SLC44A5: variants seen among roughly 807,000 people sequenced by gnomAD.
The protein encoded by SLC44A5 is choline transporter-like protein 5.
SLC44A5 carries 57 observed loss-of-function variants against 101.8 expected under a neutral mutation model. The ratio of observed to expected loss-of-function variants is 0.56; its 90% CI spans 0.45 to 0.70. SLC44A5 has a LOEUF of 0.70. Ranked by LOEUF, SLC44A5 falls within the 30% of genes least tolerant of loss-of-function variation. The pLI is 0.00. For missense variants in SLC44A5, 737 were observed against 853.1 expected (o/e 0.86, Z 1.70); for synonymous variants, 281 against 290.9 (o/e 0.97, Z 0.35).
chr1:75,227,758 T>G lies in SLC44A5; in HGVS notation c.953A>C (p.Tyr318Ser), dbSNP rs888915822. Reference protein sequence around the residue: ...DIGIQTNISMYFELQQTWFTF... With the variant: ...DIGIQTNISMSFELQQTWFTF... ...GAACCATGTTTGTTGCAGTTCAAAG[T>G]ACATGCTTATGTTAGTCTGAATCCC... The change falls in exon 13 of 24, where the codon TAC becomes TCC. Residue 318 changes from tyrosine to serine, a missense_variant. This residue lies in a region of SLC44A5 where 665 missense variants were observed against 764.4 expected (regional missense o/e 0.87). Coordinates refer to ENST00000370859, the MANE Select transcript of SLC44A5 (RefSeq NM_001130058.2). 1 of 1,575,000 alleles carries G rather than the reference T, an allele frequency of 6.3e-7. No individual in the cohort carries two copies. Among genetic ancestry groups the G allele is most frequent in the Non-Finnish European group, 8.6e-7 (1 of 1,169,454 alleles).
At chr1:75,226,455 G>A (rs1203076633) in intron 13 of SLC44A5, among the ~76,000 whole-genome samples, 2 of 152,104 alleles carry the variant, frequency 1.3e-5, no homozygotes, top group Non-Finnish European at 2.9e-5. Context: ...TATGGAAAAT[G>A]TCTGCACTTT....
At position 75,302,435 on chromosome 1, in the gene SLC44A5, C is replaced by T. The variant is rs143064513; in HGVS notation, c.102-1750G>A. 5.6e-3 allele frequency among the ~76,000 whole-genome samples: 846 copies of T among 151,938 alleles called. 9 individuals are homozygous for T. The highest frequency in any genetic ancestry group is 0.018 in the African/African-American group (743 of 41,448). On this transcript the variant is annotated intron_variant, in intron 4 of 23. Transcript: ENST00000370859. ...CACCAGCCAGGGTGGCCTGCCATCC[C>T]GTCCTTATATATCTATAATGTTATA...
intron 5 of SLC44A5, among the ~76,000 whole-genome samples, chr1:75,297,948 AC>A (rs1320538363): frequency 1.3e-5 from 2 of 151,644 alleles, no homozygotes; most frequent in African/African-American, 4.8e-5. Flanking sequence ...TTGTAAAAAA[AC>A]AAAACAAAAC....
chr1:75,613,703 G>A (rs1288328717), upstream of SLC44A5, among the ~76,000 whole-genome samples: 2 of 152,210 alleles, frequency 1.3e-5, no homozygotes, highest in East Asian at 1.9e-4. Context: ...TCGTAAGAAA[G>A]CTTGATTATT....
intron 3 of SLC44A5, among the ~76,000 whole-genome samples, chr1:75,358,559 G>T (rs572197141): frequency 2.8e-4 from 43 of 152,214 alleles, no homozygotes; most frequent in Non-Finnish European, 5.7e-4. Context: ...ATCTCACATA[G>T]TTACCATTTT....
chr1:75,229,523 C>T (rs902079708), intron 12 of SLC44A5, among the ~76,000 whole-genome samples: 3 of 152,076 alleles, frequency 2.0e-5, no homozygotes, highest in African/African-American at 7.2e-5. Context: ...GGAACTTTTC[C>T]TTCATCTTAA....
intron 2 of SLC44A5, among the ~76,000 whole-genome samples, chr1:75,405,957 A>G (rs887373622): frequency 6.6e-6 from 1 of 151,942 alleles, no homozygotes; most frequent in Non-Finnish European, 1.5e-5. Flanking sequence ...AAATAGATAG[A>G]CCGCTAGCAA....
chr1:75,541,861 C>A (rs1459597761), intron 1 of SLC44A5, among the ~76,000 whole-genome samples: 1 of 152,128 alleles, frequency 6.6e-6, no homozygotes, highest in African/African-American at 2.4e-5. Context: ...TCCTCATGCA[C>A]CATTTAGCAT....
At chr1:75,418,031 T>C (rs1366675205) in intron 2 of SLC44A5, among the ~76,000 whole-genome samples, 1 of 152,196 alleles carries the variant, frequency 6.6e-6, no homozygotes, top group Non-Finnish European at 1.5e-5. Context: ...GCCTTTTGCT[T>C]TTACCCCTCA....
intron 2 of SLC44A5, among the ~76,000 whole-genome samples, chr1:75,529,591 C>G (rs1451362240): frequency 6.6e-6 from 1 of 152,144 alleles, no homozygotes; most frequent in Non-Finnish European, 1.5e-5. Flanking sequence ...CAAAGGCAGT[C>G]AGCCTCTTTC....
chr1:75,550,511 T>C (rs889041740), intron 1 of SLC44A5, among the ~76,000 whole-genome samples: 1 of 152,086 alleles, frequency 6.6e-6, no homozygotes, highest in African/African-American at 2.4e-5. Flanking sequence ...AGCCACTTCA[T>C]TGTACACTTC....
intron 1 of SLC44A5, among the ~76,000 whole-genome samples, chr1:75,551,986 C>T (rs890708393): frequency 1.1e-4 from 17 of 152,040 alleles, no homozygotes; most frequent in African/African-American, 4.1e-4. Flanking sequence ...TGAAAAATTT[C>T]TTTTTTAGTG....
In SLC44A5 at chr1:75,373,777, T is replaced by C. The variant is rs2101188154; in HGVS notation, c.52+22806A>G. 2.6e-5 allele frequency among the ~76,000 whole-genome samples: 4 copies of C among 152,092 alleles called. No individual in the cohort carries two copies. In the East Asian group the frequency reaches 7.8e-4, roughly 30 times the overall value. ...CCCCACCTGAGTGTTTTGCCAGCTG[T>C]CTGGGAGGAGTTAAACTCCCCCAGC... is the stretch of plus-strand genomic sequence containing the variant. On this transcript the variant is annotated intron_variant, in intron 3 of 23. Coordinates refer to ENST00000370859, the MANE Select transcript of SLC44A5 (RefSeq NM_001130058.2).
the SLC44A5 span, among the ~76,000 whole-genome samples, chr1:75,694,290 A>T: frequency 8.0e-6 from 1 of 125,416 alleles, no homozygotes; most frequent in Non-Finnish European, 1.8e-5. Flanking sequence ...TGTAGATCCT[A>T]GTAGGTAGAA....
At chr1:75,595,802 C>T (rs1674597818) in intron 1 of SLC44A5, among the ~76,000 whole-genome samples, 1 of 152,054 alleles carries the variant, frequency 6.6e-6, no homozygotes, top group Non-Finnish European at 1.5e-5. Context: ...AAGTTTATGG[C>T]TTAATTTTAT....
At position 75,266,077 on chromosome 1, in the gene SLC44A5, TAG is replaced by T. The variant is rs1218939097; in HGVS notation, c.260+8879_260+8880del. 2.0e-5 allele frequency among the ~76,000 whole-genome samples: 3 copies of T among 152,172 alleles called. No individual in the cohort carries two copies. The East Asian group carries it at 5.8e-4, about 29-fold the overall frequency. ...CCGTAAAAACCCCTGGTGTTTCTCC[TAG>T]AGTCTTTTTGGTTAGATAAAGCACA... On this transcript the variant is annotated intron_variant, in intron 6 of 23. Coordinates refer to ENST00000370859, the MANE Select transcript of SLC44A5 (RefSeq NM_001130058.2).
At chr1:75,451,363 T>A (rs1249618681) in intron 2 of SLC44A5, among the ~76,000 whole-genome samples, 4 of 152,126 alleles carry the variant, frequency 2.6e-5, no homozygotes, top group Non-Finnish European at 5.9e-5. Context: ...GCTTGTAGGT[T>A]GAACTGCACA....
intron 3 of SLC44A5, among the ~76,000 whole-genome samples, chr1:75,355,984 G>A (rs1659037270): frequency 6.6e-6 from 1 of 151,798 alleles, no homozygotes; most frequent in Non-Finnish European, 1.5e-5. Flanking sequence ...AGCGGAGGTG[G>A]GCAGATCATC....
At chr1:75,603,636 G>C (rs1010576661) in intron 1 of SLC44A5, among the ~76,000 whole-genome samples, 1 of 151,306 alleles carries the variant, frequency 6.6e-6, no homozygotes, top group African/African-American at 2.4e-5. Flanking sequence ...TTTCTCTGCA[G>C]CCTCACCCAA....
Sources: gnomAD v4.1 joint callset for allele counts (sites outside exome capture counted in the v4.1 genomes callset) on GRCh38, gnomAD v4.1.1 for gene constraint, gnomAD v4.1.1 regional missense constraint, MANE v1.5 for transcripts, NCBI Gene and HGNC (gene_info 2026-07-23, HGNC 2026-07-21) for gene names.